SMARCC1: variants seen among roughly 807,000 people sequenced by gnomAD.
SMARCC1 encodes SWI/SNF related BAF chromatin remodeling complex subunit C1.
Under a neutral mutation model 147.4 loss-of-function variants are expected in SMARCC1, and 43 were observed. The observed-to-expected ratio is 0.29, with a 90% confidence interval of 0.23 to 0.38. SMARCC1 has a LOEUF of 0.38. Ranked by LOEUF, SMARCC1 falls within the 10% of genes least tolerant of loss-of-function variation. The pLI is 1.00. For missense variants in SMARCC1, 1,119 were observed against 1,381.1 expected (o/e 0.81, Z 3.01); for synonymous variants, 495 against 484.4 (o/e 1.02, Z -0.29).
intron 2 of SMARCC1, among the ~76,000 whole-genome samples, chr3:47,766,876 G>T (rs1392848583): frequency 6.6e-6 from 1 of 152,010 alleles, no homozygotes; most frequent in Non-Finnish European, 1.5e-5. Flanking sequence ...GCATGACTTG[G>T]GAAGTTACTA....
At chr3:47,777,177 G>A (rs2034985177) in intron 1 of SMARCC1, among the ~76,000 whole-genome samples, 2 of 151,686 alleles carry the variant, frequency 1.3e-5, no homozygotes, top group Admixed American at 1.3e-4. Flanking sequence ...CTGCCCACCG[G>A]GTTCCAGCGA....
chr3:47,642,306 T>C (rs1451120420), intron 21 of SMARCC1, among the ~76,000 whole-genome samples: 2 of 152,120 alleles, frequency 1.3e-5, no homozygotes, highest in Admixed American at 1.3e-4. Flanking sequence ...GATACTAGGT[T>C]TTGCCCGGTG....
Position 47,662,439 on chromosome 3 carries a change from G to C in SMARCC1, c.2053C>G (p.Pro685Ala). The C allele has an allele frequency of 6.2e-7, 1 of 1,614,116 alleles. No individual in the cohort carries two copies. Among genetic ancestry groups the C allele is most frequent in the Non-Finnish European group, 8.5e-7 (1 of 1,179,982 alleles). Residue 685 changes from proline (P) to alanine (A), a missense_variant, in exon 20 of 28, where the codon CCT (proline) becomes GCT (alanine). Around this residue, in one of 6 missense-constraint regions of SMARCC1, gnomAD observed 178 missense variants for 264.6 expected, o/e 0.67. Transcript: ENST00000254480. ...TTTCCTGACTGACTGAAGGGGACAG[G>C]CTGGTAGGCCAAAGGCCCAAGGGAA... ...DASLGPLAYQ[P>A]VPFSQSGNPV...
intron 3 of SMARCC1, among the ~76,000 whole-genome samples, chr3:47,744,267 G>A (rs932315905): frequency 3.3e-5 from 5 of 152,086 alleles, no homozygotes; most frequent in African/African-American, 7.2e-5. Context: ...TCAGCCTCCT[G>A]AGTACCTGGG....
At chr3:47,709,692 T>G (rs1029878618) in intron 9 of SMARCC1, among the ~76,000 whole-genome samples, 1 of 151,538 alleles carries the variant, frequency 6.6e-6, no homozygotes, top group African/African-American at 2.4e-5. Flanking sequence ...TCTCAAAAAA[T>G]AAATAAATAA....
At chr3:47,683,601 C>A (rs2033681613) in intron 14 of SMARCC1, among the ~76,000 whole-genome samples, 1 of 151,844 alleles carries the variant, frequency 6.6e-6, no homozygotes, top group South Asian at 2.1e-4. Context: ...ACCTGTAATC[C>A]CAGCACTTTG....
At chr3:47,753,600 G>GCTACT (rs1190555759) in intron 2 of SMARCC1, among the ~76,000 whole-genome samples, 3 of 148,776 alleles carry the variant, frequency 2.0e-5, no homozygotes, top group African/African-American at 7.4e-5. Context: ...TGTAATCCCA[G>GCTACT]CTACTCGAGA....
Position 47,726,065 on chromosome 3 carries a change from A to AAAAAAAAAAAAAG in SMARCC1, c.646+2959_646+2960insCTTTTTTTTTTTT, listed in dbSNP as rs2034296562. Among the ~76,000 whole-genome samples, 2 of 148,020 alleles carry AAAAAAAAAAAAAG rather than the reference A, an allele frequency of 1.4e-5. 1 individual carries two copies. On this transcript the variant is annotated intron_variant, in intron 6 of 27. Transcript: ENST00000254480. The stretch of plus-strand genomic sequence containing the variant: ...TAGAAGAGTGAGACTCTGTCTCAAA[A>AAAAAAAAAAAAAG]AAAAAAAAAAAAAAAAGGTGAATTT...
chr3:47,679,861 C>CAA (rs35582823), intron 15 of SMARCC1, among the ~76,000 whole-genome samples: 1,673 of 78,264 alleles, frequency 0.021, 30 homozygotes, highest in Middle Eastern at 0.049. Context: ...GACTCCATCT[C>CAA]AAAAAAAAAA....
intron 2 of SMARCC1, among the ~76,000 whole-genome samples, chr3:47,772,334 A>C (rs2034924431): frequency 6.6e-6 from 1 of 152,176 alleles, no homozygotes; most frequent in South Asian, 2.1e-4. Flanking sequence ...TCAAGGCTGC[A>C]GTGCGCTGTG....
chr3:47,747,440 A>AAAATATAAATATAAATATCAATAT (rs2034576789), intron 2 of SMARCC1, among the ~76,000 whole-genome samples: 1 of 120,858 alleles, frequency 8.3e-6, no homozygotes, highest in South Asian at 3.0e-4. Flanking sequence ...TTGTCTCAAA[A>AAAATATAAATATAAATATCAATAT]AAATATAAAT....
At chr3:47,708,732 G>A (rs1194742255) in intron 9 of SMARCC1, among the ~76,000 whole-genome samples, 8 of 152,034 alleles carry the variant, frequency 5.3e-5, no homozygotes, top group East Asian at 3.9e-4. Context: ...CAAAACAAAC[G>A]ACAACCAACT....
At chr3:47,704,237 A>T (rs1003427515) in intron 10 of SMARCC1, among the ~76,000 whole-genome samples, 7 of 152,234 alleles carry the variant, frequency 4.6e-5, no homozygotes, top group Non-Finnish European at 1.0e-4. Context: ...TAAAATACTT[A>T]AAGGGGAAGA....
At chr3:47,713,362 A>T (rs969235464) in intron 8 of SMARCC1, among the ~76,000 whole-genome samples, 43 of 145,154 alleles carry the variant, frequency 3.0e-4, no homozygotes, top group African/African-American at 1.2e-3. Flanking sequence ...AATAAATAAA[A>T]GATAAATCTG....
intron 2 of SMARCC1, among the ~76,000 whole-genome samples, chr3:47,762,420 G>A (rs1238836749): frequency 6.6e-6 from 1 of 152,188 alleles, no homozygotes; most frequent in Non-Finnish European, 1.5e-5. Flanking sequence ...TTCCTGCCAT[G>A]AGGTCAGTCA....
chr3:47,766,922 C>T (rs1268828046), intron 2 of SMARCC1, among the ~76,000 whole-genome samples: 1 of 152,060 alleles, frequency 6.6e-6, no homozygotes, highest in African/African-American at 2.4e-5. Context: ...TGGTGGCTCA[C>T]GCCTGTAATC....
chr3:47,599,001 G>A (rs2032344596), intron 26 of SMARCC1, among the ~76,000 whole-genome samples: 1 of 152,130 alleles, frequency 6.6e-6, no homozygotes, highest in African/African-American at 2.4e-5. Context: ...CAAGGAACAG[G>A]ATTCTTCCCT....
intron 8 of SMARCC1, among the ~76,000 whole-genome samples, chr3:47,712,512 T>C (rs937133789): frequency 4.6e-5 from 7 of 152,184 alleles, no homozygotes; most frequent in African/African-American, 1.2e-4. Flanking sequence ...TAGAGGAGTA[T>C]GTGACAGCTA....
At position 47,680,486 on chromosome 3, in the gene SMARCC1, C is replaced by A. The variant is rs746769217; in HGVS notation, c.1408G>T (p.Ala470Ser). Residue 470 changes from alanine to serine, a missense_variant, in exon 15 of 28, where the codon GCT (alanine) becomes TCT (serine). This residue lies in a region of SMARCC1 where 542 missense variants were observed against 611.8 expected (regional missense o/e 0.89). Coordinates refer to ENST00000254480, the MANE Select transcript of SMARCC1 (RefSeq NM_003074.4). ...YNCIHVIERR[A>S]LPEFFNGKNK... is the part of the protein sequence containing the mutation. Reference sequence around the variant, plus strand: ...TTTCCATTGAAGAACTCAGGAAGAGCACGCCGTTCAATCACATGAATACTG... The same window carrying A: ...TTTCCATTGAAGAACTCAGGAAGAGAACGCCGTTCAATCACATGAATACTG... 3 of 1,607,322 alleles carry A rather than the reference C, an allele frequency of 1.9e-6. No homozygotes were observed. In the African/African-American group the frequency reaches 4.0e-5, roughly 22 times the overall value.
Sources: allele counts gnomAD v4.1 joint callset (sites outside exome capture counted in the v4.1 genomes callset), GRCh38; gene constraint gnomAD v4.1.1; regional missense constraint gnomAD v4.1.1; transcripts MANE v1.5; gene names NCBI Gene and HGNC (gene_info 2026-07-23, HGNC 2026-07-21).